The following NFIA variants were observed in gnomAD, a reference collection of about 807,000 sequenced individuals.
NFIA encodes the protein nuclear factor I A, also known as nuclear factor 1 A-type.
A neutral mutation model predicts 62.8 loss-of-function variants in NFIA; 8 were observed. That is an observed-to-expected ratio of 0.13 (90% CI 0.07 to 0.23). The LOEUF is 0.23. NFIA is among the 10% of genes least tolerant of loss of function. The pLI, the probability that NFIA is intolerant of heterozygous loss-of-function variation, is 1.00. For synonymous variants in NFIA, 235 were observed against 238.1 expected (o/e 0.99, Z 0.12); for missense variants, 410 against 642.1 (o/e 0.64, Z 3.91).
chr1:61,236,200 A>G (rs1252541006), intron 2 of NFIA, among the ~76,000 whole-genome samples: 5 of 152,120 alleles, frequency 3.3e-5, no homozygotes, highest in Non-Finnish European at 5.9e-5. Flanking sequence ...AGAGAAGCCA[A>G]TTTCTCTAGG....
intron 2 of NFIA, among the ~76,000 whole-genome samples, chr1:61,258,386 G>T (rs1570466509): frequency 2.0e-5 from 3 of 152,280 alleles, no homozygotes; most frequent in South Asian, 4.2e-4. Flanking sequence ...TTAAATGCGT[G>T]CTACAATGAA....
At chr1:61,438,586 T>G (rs1183515703) in intron 10 of NFIA, among the ~76,000 whole-genome samples, 1 of 152,192 alleles carries the variant, frequency 6.6e-6, no homozygotes, top group Non-Finnish European at 1.5e-5. Context: ...TGTATTAAGA[T>G]CATACTTAGC....
intron 2 of NFIA, among the ~76,000 whole-genome samples, chr1:61,207,541 C>T (rs1211710044): frequency 6.6e-6 from 1 of 152,170 alleles, no homozygotes; most frequent in Non-Finnish European, 1.5e-5. Flanking sequence ...CACGAGACAT[C>T]TAGAGTTCAG....
intron 10 of NFIA, among the ~76,000 whole-genome samples, chr1:61,449,391 C>G (rs1326281994): frequency 6.6e-6 from 1 of 152,178 alleles, no homozygotes; most frequent in Non-Finnish European, 1.5e-5. Flanking sequence ...ACATGCCCAC[C>G]CTGGCATCCC....
chr1:61,309,149 C>G (rs889286257), intron 3 of NFIA, among the ~76,000 whole-genome samples: 1 of 152,144 alleles, frequency 6.6e-6, no homozygotes, highest in African/African-American at 2.4e-5. Flanking sequence ...CTTCTTTCGT[C>G]TGAGCTCTAA....
intron 6 of NFIA, among the ~76,000 whole-genome samples, chr1:61,376,936 G>A (rs1385434298): frequency 2.0e-5 from 3 of 152,100 alleles, no homozygotes; most frequent in African/African-American, 7.2e-5. Flanking sequence ...AGGATTTGGG[G>A]ATGGACACGG....
chr1:61,127,253 C>T (rs1033017396), intron 2 of NFIA, among the ~76,000 whole-genome samples: 6 of 151,306 alleles, frequency 4.0e-5, no homozygotes, highest in Non-Finnish European at 7.4e-5. Flanking sequence ...GTCAGGAGAT[C>T]GAGACCATCC....
At chr1:61,255,686 T>C (rs1201926886) in intron 2 of NFIA, among the ~76,000 whole-genome samples, 1 of 152,164 alleles carries the variant, frequency 6.6e-6, no homozygotes, top group Non-Finnish European at 1.5e-5. Context: ...TAGGGTTTGG[T>C]TTTGGTGGGA....
chr1:61,319,790 AAC>A (rs58845526), intron 3 of NFIA, among the ~76,000 whole-genome samples: 13,077 of 139,282 alleles, frequency 0.094, 667 homozygotes, highest in Non-Finnish European at 0.12. Flanking sequence ...GGAAGAATTA[AAC>A]ACACACACAC....
intron 2 of NFIA, among the ~76,000 whole-genome samples, chr1:61,110,481 A>G (rs1043990113): frequency 6.6e-6 from 1 of 151,932 alleles, no homozygotes; most frequent in African/African-American, 2.4e-5. Context: ...ATACACACAC[A>G]CGTATCAGTA....
intron 9 of NFIA, among the ~76,000 whole-genome samples, chr1:61,422,209 G>T (rs1231888790): frequency 6.6e-6 from 1 of 152,224 alleles, no homozygotes; most frequent in African/African-American, 2.4e-5. Context: ...GCTTCAGTAA[G>T]CTGTGTTCCT....
At chr1:61,411,583 A>G (rs1666104239) in intron 9 of NFIA, among the ~76,000 whole-genome samples, 1 of 152,050 alleles carries the variant, frequency 6.6e-6, no homozygotes. Context: ...TCTTGGTGCT[A>G]GGATTCAGCA....
intron 7 of NFIA, among the ~76,000 whole-genome samples, chr1:61,387,578 C>T (rs1664770489): frequency 6.6e-6 from 1 of 151,052 alleles, no homozygotes; most frequent in African/African-American, 2.4e-5. Context: ...GCTTAAGCTC[C>T]TGCTGCCTTT....
chr1:61,445,391 G>A lies in NFIA; in HGVS notation c.1513-9912G>A, dbSNP rs184493108. 3.0e-4 allele frequency among the ~76,000 whole-genome samples: 45 copies of A among 152,116 alleles called. No homozygotes were observed. In the East Asian group the frequency reaches 7.0e-3, roughly 24 times the overall value. On this transcript the variant is annotated intron_variant, in intron 10 of 10. Transcript: ENST00000403491. ...GAGGAATCTAATTGTTTGTAGCAACGAATATTGCTTAGTTGTAAATTTAAT... is the reference window on the plus strand; with the variant it reads ...GAGGAATCTAATTGTTTGTAGCAACAAATATTGCTTAGTTGTAAATTTAAT...
At chr1:61,285,747 A>C (rs570609492) in intron 3 of NFIA, among the ~76,000 whole-genome samples, 2 of 152,220 alleles carry the variant, frequency 1.3e-5, no homozygotes, top group African/African-American at 4.8e-5. Context: ...GTTGATTTTA[A>C]CCCAAAGGGA....
intron 7 of NFIA, among the ~76,000 whole-genome samples, chr1:61,402,660 ATC>A (rs1665629115): frequency 6.6e-6 from 1 of 152,202 alleles, no homozygotes; most frequent in South Asian, 2.1e-4. Flanking sequence ...GCAAAATTTC[ATC>A]TGTTTTGGCT....
chr1:61,285,209 T>C (rs1204204504), intron 3 of NFIA, among the ~76,000 whole-genome samples: 1 of 152,136 alleles, frequency 6.6e-6, no homozygotes. Flanking sequence ...TTGACAGAGA[T>C]ATCCTTAGAA....
At chr1:61,421,819 C>T (rs1225664295) in intron 9 of NFIA, among the ~76,000 whole-genome samples, 4 of 152,168 alleles carry the variant, frequency 2.6e-5, no homozygotes, top group African/African-American at 9.7e-5. Context: ...CCCTTTTCTG[C>T]CTTTCTGTGA....
upstream of NFIA, among the ~76,000 whole-genome samples, chr1:61,077,827 G>GC: frequency 6.6e-6 from 1 of 150,870 alleles, no homozygotes; most frequent in East Asian, 1.9e-4. Flanking sequence ...TTTGCTATGT[G>GC]CATCAGAGAC....
Sources: allele counts gnomAD v4.1 joint callset (sites outside exome capture counted in the v4.1 genomes callset), GRCh38; gene constraint gnomAD v4.1.1; transcripts MANE v1.5; gene names NCBI Gene and HGNC (gene_info 2026-07-23, HGNC 2026-07-21).